Variants in COL19A1 observed in about 807,000 individuals in gnomAD.
The protein encoded by COL19A1 is collagen alpha-1(XIX) chain.
Under a neutral mutation model 190.2 loss-of-function variants are expected in COL19A1, and 159 were observed. The observed-to-expected ratio is 0.84, with a 90% CI of 0.73 to 0.95. The LOEUF is 0.95. Ranked by LOEUF, COL19A1 falls within the 40% of genes least tolerant of loss-of-function variation. COL19A1 has a pLI of 0.00. For missense variants in COL19A1, 1,418 were observed against 1,431.9 expected (o/e 0.99, Z 0.16); for synonymous variants, 509 against 458.9 (o/e 1.11, Z -1.39).
intron 2 of COL19A1, among the ~76,000 whole-genome samples, chr6:69,895,824 T>C (rs1424082294): frequency 6.6e-6 from 1 of 152,264 alleles, no homozygotes; most frequent in African/African-American, 2.4e-5. Flanking sequence ...TTTATGGCTA[T>C]ACAGTTTTTC....
chr6:70,091,596 G>C (rs1281669522), intron 15 of COL19A1, among the ~76,000 whole-genome samples: 1 of 152,166 alleles, frequency 6.6e-6, no homozygotes, highest in African/African-American at 2.4e-5. Context: ...TTATGTAGTT[G>C]AGAAAGCTGA....
chr6:69,874,692 A>G (rs1375411904), intron 1 of COL19A1, among the ~76,000 whole-genome samples: 1 of 152,154 alleles, frequency 6.6e-6, no homozygotes, highest in African/African-American at 2.4e-5. Flanking sequence ...CGGAGCTTGC[A>G]GTGAGCCGAG....
At chr6:69,923,884 G>A (rs1181569136) in intron 4 of COL19A1, among the ~76,000 whole-genome samples, 2 of 152,122 alleles carry the variant, frequency 1.3e-5, no homozygotes, top group Non-Finnish European at 1.5e-5. Flanking sequence ...GATGCTTTTG[G>A]GTAAGGGTGT....
chr6:69,934,269 T>A (rs1772962621), intron 7 of COL19A1, among the ~76,000 whole-genome samples: 1 of 152,000 alleles, frequency 6.6e-6, no homozygotes, highest in African/African-American at 2.4e-5. Context: ...TATAAATATC[T>A]GAAAAGATAA....
chr6:70,033,929 A>C (rs1259692031), intron 12 of COL19A1, among the ~76,000 whole-genome samples: 2 of 152,166 alleles, frequency 1.3e-5, no homozygotes, highest in Admixed American at 6.6e-5. Flanking sequence ...CACAAATTTA[A>C]TCCAAAGTGG....
At chr6:70,095,971 A>C (rs778549012) in intron 15 of COL19A1, among the ~76,000 whole-genome samples, 17 of 152,122 alleles carry the variant, frequency 1.1e-4, no homozygotes, top group Non-Finnish European at 2.4e-4. Context: ...CCTCTTGTCT[A>C]TTGAGAATAA....
chr6:70,109,264 G>A (rs1469700344), intron 16 of COL19A1, among the ~76,000 whole-genome samples: 1 of 152,114 alleles, frequency 6.6e-6, no homozygotes, highest in East Asian at 1.9e-4. Flanking sequence ...AGGTGTCTCT[G>A]AGCAGAAGAC....
intron 20 of COL19A1, 53 bp downstream of exon 20, chr6:70,141,042 C>A (rs1472084800): frequency 6.6e-7 from 1 of 1,503,962 alleles, no homozygotes; most frequent in Non-Finnish European, 9.2e-7. Context: ...TGATTTGTTT[C>A]TCTCTGATTT....
chr6:70,045,739 A>C (rs998310422), intron 14 of COL19A1, among the ~76,000 whole-genome samples: 1 of 152,100 alleles, frequency 6.6e-6, no homozygotes, highest in African/African-American at 2.4e-5. Flanking sequence ...TGACAAACCA[A>C]CCCCACTTTA....
At position 69,871,541 on chromosome 6, in the gene COL19A1, G is replaced by A. The variant is rs55770833; in HGVS notation, c.-33+4901G>A. 3.0e-3 allele frequency among the ~76,000 whole-genome samples: 456 copies of A among 152,240 alleles called. 2 individuals are homozygous for A. The highest frequency in any genetic ancestry group is 5.5e-3 in the Non-Finnish European group (374 of 68,018). On this transcript the variant is annotated intron_variant, in intron 1 of 50. Transcript: ENST00000620364. Reference sequence around the variant, plus strand: ...TGCCATGTACATTAAATGTAACAACGTATGTAAAGCAAATAAGTGTTCTCT... The same window carrying A: ...TGCCATGTACATTAAATGTAACAACATATGTAAAGCAAATAAGTGTTCTCT...
intron 14 of COL19A1, among the ~76,000 whole-genome samples, chr6:70,067,786 T>C (rs549175842): frequency 6.6e-6 from 1 of 152,158 alleles, no homozygotes; most frequent in African/African-American, 2.4e-5. Flanking sequence ...TCATTTTTAA[T>C]TTCATGTGGA....
chr6:69,987,960 A>G (rs551552292), intron 11 of COL19A1, among the ~76,000 whole-genome samples: 7 of 152,360 alleles, frequency 4.6e-5, no homozygotes, highest in Non-Finnish European at 7.3e-5. Context: ...TGAGTACAGC[A>G]TGTAAGAAAG....
At chr6:69,878,130 G>A (rs1014211463) in intron 1 of COL19A1, among the ~76,000 whole-genome samples, 4 of 151,964 alleles carry the variant, frequency 2.6e-5, no homozygotes, top group Non-Finnish European at 4.4e-5. Flanking sequence ...CTAATACTTA[G>A]GGAGATGCAA....
At chr6:70,139,694 G>A (rs753723625) in intron 19 of COL19A1, among the ~76,000 whole-genome samples, 6 of 152,086 alleles carry the variant, frequency 3.9e-5, no homozygotes, top group East Asian at 1.9e-4. Flanking sequence ...CACTGATCCC[G>A]AATGGTAACT....
intron 15 of COL19A1, among the ~76,000 whole-genome samples, chr6:70,085,932 G>A (rs542158982): frequency 5.3e-4 from 81 of 152,266 alleles, no homozygotes; most frequent in Admixed American, 2.6e-3. Flanking sequence ...CTGAAAGTGA[G>A]TTATGCTATT....
At chr6:69,956,507 T>A (rs1364941347) in intron 9 of COL19A1, among the ~76,000 whole-genome samples, 3 of 151,962 alleles carry the variant, frequency 2.0e-5, no homozygotes, top group African/African-American at 7.2e-5. Context: ...TTTAAAAATA[T>A]AGGTTTTTAA....
chr6:70,207,365 T>G lies in COL19A1; in HGVS notation c.*91T>G. The stretch of plus-strand genomic sequence containing the variant: ...CAAACCCTCATCATCTGTGGGTTGC[T>G]TTTTTTTTTTTTTTTTTTTTTTGGG... On this transcript the variant is annotated 3_prime_UTR_variant, in exon 51 of 51. Coordinates refer to ENST00000620364, the MANE Select transcript of COL19A1 (RefSeq NM_001858.6). The G allele has an allele frequency of 2.1e-4, 29 of 140,212 alleles. No homozygotes were observed. The highest frequency in any genetic ancestry group is 2.6e-4 in the Non-Finnish European group (26 of 100,764). 8.7% of individuals were successfully genotyped at this position (140,212 alleles called of 1,614,324 possible). A position where few individuals can be genotyped will look rare whatever the true frequency, so the allele number is the denominator to read the frequency against.
chr6:70,174,452 C>T (rs565060362), intron 41 of COL19A1, among the ~76,000 whole-genome samples: 1 of 152,018 alleles, frequency 6.6e-6, no homozygotes, highest in African/African-American at 2.4e-5. Context: ...CCTAGCTACT[C>T]AGGAGGCTGA....
intron 46 of COL19A1, among the ~76,000 whole-genome samples, chr6:70,185,314 A>G (rs990517049): frequency 6.6e-6 from 1 of 152,212 alleles, no homozygotes; most frequent in African/African-American, 2.4e-5. Context: ...TAAAATGCTT[A>G]GCAGCATCTC....
Sources: gnomAD v4.1 joint callset for allele counts (sites outside exome capture counted in the v4.1 genomes callset) on GRCh38, gnomAD v4.1.1 for gene constraint, MANE v1.5 for transcripts, NCBI Gene and HGNC (gene_info 2026-07-23, HGNC 2026-07-21) for gene names.